Variants in LRRC3B observed in about 807,000 individuals in gnomAD.
LRRC3B encodes the protein leucine rich repeat containing 3B, also known as leucine-rich repeat-containing protein 3B.
LRRC3B carries 2 observed loss-of-function variants against 12.8 expected under a neutral mutation model. That is an observed-to-expected ratio of 0.16 (90% CI 0.06 to 0.49). The LOEUF (loss-of-function observed/expected upper bound fraction) is 0.49. LRRC3B is among the 20% of genes least tolerant of loss of function. The pLI is 0.96. For synonymous variants in LRRC3B, 132 were observed against 122.0 expected (o/e 1.08, Z -0.54); for missense variants, 189 against 319.4 (o/e 0.59, Z 3.11).
At chr3:26,704,903 C>T (rs1700547820) in intron 1 of LRRC3B, among the ~76,000 whole-genome samples, 1 of 152,120 alleles carries the variant, frequency 6.6e-6, no homozygotes, top group South Asian at 2.1e-4. Context: ...AAATTAAAAG[C>T]CCTTCCTGTT....
intron 1 of LRRC3B, among the ~76,000 whole-genome samples, chr3:26,652,308 C>T (rs1004549418): frequency 9.2e-5 from 14 of 152,204 alleles, no homozygotes; most frequent in African/African-American, 3.4e-4. Context: ...GAAGCAGAGC[C>T]CAACCCTTTA....
At chr3:26,648,062 A>T (rs949475574) in intron 1 of LRRC3B, among the ~76,000 whole-genome samples, 27 of 151,816 alleles carry the variant, frequency 1.8e-4, no homozygotes, top group African/African-American at 6.5e-4. Context: ...CATCTTGCCC[A>T]TGTATGGTAT....
intron 1 of LRRC3B, among the ~76,000 whole-genome samples, chr3:26,634,729 T>C (rs1698829715): frequency 6.6e-6 from 1 of 152,328 alleles, no homozygotes; most frequent in South Asian, 2.1e-4. Context: ...CAGGTTGGCT[T>C]TGATCATAAA....
chr3:26,697,882 A>G (rs553274156), intron 1 of LRRC3B, among the ~76,000 whole-genome samples: 1 of 152,186 alleles, frequency 6.6e-6, no homozygotes, highest in Non-Finnish European at 1.5e-5. Context: ...GTTAGCCACC[A>G]TCAGAATTAT....
At chr3:26,653,375 A>G (rs1699305604) in intron 1 of LRRC3B, among the ~76,000 whole-genome samples, 1 of 152,114 alleles carries the variant, frequency 6.6e-6, no homozygotes, top group African/African-American at 2.4e-5. Context: ...AGGAACAAAG[A>G]CTTCAAAAAG....
intron 1 of LRRC3B, among the ~76,000 whole-genome samples, chr3:26,649,895 A>G (rs1385499041): frequency 6.6e-6 from 1 of 152,122 alleles, no homozygotes; most frequent in Non-Finnish European, 1.5e-5. Flanking sequence ...CCTTTTGTAT[A>G]GCCCCGATGT....
At chr3:26,687,497 C>T (rs748157875) in intron 1 of LRRC3B, among the ~76,000 whole-genome samples, 10 of 152,164 alleles carry the variant, frequency 6.6e-5, no homozygotes, top group East Asian at 5.8e-4. Context: ...GGCACGCTGC[C>T]GCTGAGCATA....
exon 2 of LRRC3B, chr3:26,710,319 T>C (rs1268262307): frequency 6.2e-7 from 1 of 1,614,086 alleles, no homozygotes; most frequent in South Asian, 1.1e-5. Context: ...TGGTTCACTA[T>C]GGTGATCTCA....
Position 26,646,598 on chromosome 3 carries a change from T to TTAA in LRRC3B, c.-161+23361_-161+23362insTAA, listed in dbSNP as rs1699150372. On this transcript the variant is annotated intron_variant, in intron 1 of 1. Coordinates refer to ENST00000396641, the Ensembl canonical transcript of LRRC3B. Reference sequence around the variant, plus strand: ...CCCAGAGGCCACTAAGGATAGGAGGTAAAAAAAAAAAAAAAAAAAAAAAAA... The same window carrying TTAA: ...CCCAGAGGCCACTAAGGATAGGAGGTTAAAAAAAAAAAAAAAAAAAAAAAAAAA... Among the ~76,000 whole-genome samples the TTAA allele has an allele frequency of 6.0e-5, 6 of 99,664 alleles. No individual in the cohort carries two copies. In the East Asian group the frequency reaches 2.3e-3, roughly 38 times the overall value. The allele number at this position is 99,664 out of a possible 152,430, so 65.4% of individuals were successfully genotyped here.
At chr3:26,647,809 G>A (rs900686722) in intron 1 of LRRC3B, among the ~76,000 whole-genome samples, 1 of 152,186 alleles carries the variant, frequency 6.6e-6, no homozygotes, top group African/African-American at 2.4e-5. Flanking sequence ...ATCCCATGGA[G>A]TACACAGAGC....
At chr3:26,698,335 C>A (rs1297497899) in intron 1 of LRRC3B, among the ~76,000 whole-genome samples, 1 of 152,162 alleles carries the variant, frequency 6.6e-6, no homozygotes, top group Non-Finnish European at 1.5e-5. Context: ...AGTGGCCAAG[C>A]TGTGATCTCC....
intron 1 of LRRC3B, among the ~76,000 whole-genome samples, chr3:26,630,284 C>T (rs1276671796): frequency 6.6e-6 from 1 of 152,202 alleles, no homozygotes; most frequent in Non-Finnish European, 1.5e-5. Context: ...TTATCAATCT[C>T]CAGGCCAAGG....
At chr3:26,671,250 C>T (rs1302929515) in intron 1 of LRRC3B, among the ~76,000 whole-genome samples, 3 of 145,036 alleles carry the variant, frequency 2.1e-5, no homozygotes, top group South Asian at 2.2e-4. Flanking sequence ...CTCCTGACCT[C>T]GTGATCCGCC....
intron 1 of LRRC3B, among the ~76,000 whole-genome samples, chr3:26,707,279 T>G (rs1334550775): frequency 2.6e-5 from 4 of 151,674 alleles, no homozygotes; most frequent in Non-Finnish European, 5.9e-5. Context: ...GTGGGAGAAT[T>G]GCTGGAACCT....
chr3:26,662,320 G>T (rs1202660332), intron 1 of LRRC3B, among the ~76,000 whole-genome samples: 1 of 152,070 alleles, frequency 6.6e-6, no homozygotes, highest in East Asian at 1.9e-4. Flanking sequence ...ATTCTTGTTT[G>T]CTAGGACTGA....
intron 1 of LRRC3B, among the ~76,000 whole-genome samples, chr3:26,661,352 T>C (rs1699487750): frequency 6.6e-6 from 1 of 152,198 alleles, no homozygotes; most frequent in South Asian, 2.1e-4. Context: ...TCCTCCATGC[T>C]TAAATTGGGA....
intron 1 of LRRC3B, among the ~76,000 whole-genome samples, chr3:26,704,648 C>T (rs62247439): frequency 0.041 from 6,299 of 152,044 alleles, 187 homozygotes; most frequent in Non-Finnish European, 0.063. Context: ...AATCCTTGCA[C>T]CTCAATCTAT....
chr3:26,639,941 G>C (rs1698987484), intron 1 of LRRC3B, among the ~76,000 whole-genome samples: 2 of 152,068 alleles, frequency 1.3e-5, no homozygotes, highest in South Asian at 2.1e-4. Context: ...GAAGGTTCAG[G>C]GGTGAGTTTA....
chr3:26,684,938 CTTTAT>C (rs58072949), intron 1 of LRRC3B, among the ~76,000 whole-genome samples: 44,855 of 150,132 alleles, frequency 0.3, 8,337 homozygotes, highest in East Asian at 0.58. Flanking sequence ...ACACAGGTTT[CTTTAT>C]TTTATTTTAT....
Sources: allele counts gnomAD v4.1 joint callset (sites outside exome capture counted in the v4.1 genomes callset), GRCh38; gene constraint gnomAD v4.1.1; transcripts MANE v1.5; gene names NCBI Gene and HGNC (gene_info 2026-07-23, HGNC 2026-07-21).